The following MUCL1 variants were observed in gnomAD, a reference collection of about 807,000 sequenced individuals.
MUCL1 encodes the protein mucin like 1.
A neutral mutation model predicts 9.2 loss-of-function variants in MUCL1; 11 were observed. The ratio of observed to expected loss-of-function variants is 1.19; its 90% CI spans 0.75 to 1.97. MUCL1 has a LOEUF of 1.97. Ranked by LOEUF, MUCL1 falls within the 30% of genes most tolerant of loss-of-function variation. The pLI, the probability that MUCL1 is intolerant of heterozygous loss-of-function variation, is 0.00. For missense variants in MUCL1, 144 were observed against 110.9 expected, an observed-to-expected ratio of 1.30 and a Z score of -1.34; for synonymous variants, 48 against 40.5, an observed-to-expected ratio of 1.19 and a Z score of -0.71.
At chr12:54,832,914 AT>A in intron 1 of MUCL1, among the ~76,000 whole-genome samples, 1 of 152,106 alleles carries the variant, frequency 6.6e-6, no homozygotes, top group Non-Finnish European at 1.5e-5. Context: ...ATCAGCTATA[AT>A]TTGAGTTATT....
intron 1 of MUCL1, among the ~76,000 whole-genome samples, chr12:54,844,534 A>G (rs1259432649): frequency 6.6e-6 from 1 of 152,194 alleles, no homozygotes; most frequent in Non-Finnish European, 1.5e-5. Flanking sequence ...TGTGATGTGC[A>G]CCTAAAAGAG....
rs145238923 is a variant in MUCL1 at position 54,847,203 on chromosome 12, G to A, written c.43+7756G>A. On this transcript the variant is annotated intron_variant, in intron 1 of 3. Coordinates refer to the MUCL1 transcript ENST00000546809. ...CTAGTTAACTCTCATGTATCAAGAA[G>A]TAACCGAGTGCCGGGCACTCTTCTA... Among the ~76,000 whole-genome samples, 165 of 152,280 alleles carry A rather than the reference G, an allele frequency of 1.1e-3. 1 individual carries two copies. Among genetic ancestry groups the A allele is most frequent in the Non-Finnish European group, 1.8e-3 (125 of 68,036 alleles).
chr12:54,835,695 A>G (rs979823157), upstream of MUCL1, among the ~76,000 whole-genome samples: 2 of 150,740 alleles, frequency 1.3e-5, no homozygotes, highest in Non-Finnish European at 2.9e-5. Context: ...CCCGTTCAGT[A>G]TGATGCTGAC....
At chr12:54,837,797 A>G (rs1490473360), upstream of MUCL1, among the ~76,000 whole-genome samples, 1 of 152,008 alleles carries the variant, frequency 6.6e-6, no homozygotes, top group Non-Finnish European at 1.5e-5. Context: ...AACAAAAAAA[A>G]TCAATGCTTA....
chr12:54,854,641 G>T lies in MUCL1; in HGVS notation c.58+1G>T, dbSNP rs142903254. 2.1e-3 allele frequency: 3,320 copies of T among 1,611,872 alleles called. 100 individuals are homozygous for T. The South Asian group carries it at 0.034, about 16-fold the overall frequency. Reference sequence around the variant, plus strand: ...GTTTCCATCTTTCTGGTCTCTGCCCGTAAGTAAAGATTCTTACCTGAACAT... The same window carrying T: ...GTTTCCATCTTTCTGGTCTCTGCCCTTAAGTAAAGATTCTTACCTGAACAT... On this transcript the variant is annotated splice_donor_variant, in intron 1 of 3. Transcript: ENST00000308796. LOFTEE classifies it high-confidence loss of function.
chr12:54,854,255 A>T (rs1868280594), upstream of MUCL1, among the ~76,000 whole-genome samples: 1 of 152,222 alleles, frequency 6.6e-6, no homozygotes, highest in South Asian at 2.1e-4. Flanking sequence ...TTATGGAGAC[A>T]CTATACCCTA....
At chr12:54,855,001 C>T in intron 1 of MUCL1, 115 bp from the exon 2 acceptor site, 1 of 857,566 alleles carries the variant, frequency 1.2e-6, no homozygotes, top group Non-Finnish European at 1.9e-6. Context: ...ACTGGTACAC[C>T]AAGGACTGAG....
At chr12:54,855,333 T>A in intron 2 of MUCL1, 176 bp downstream of exon 2, 1 of 607,058 alleles carries the variant, frequency 1.6e-6, no homozygotes, top group Non-Finnish European at 3.0e-6. Context: ...TGAATCTGCT[T>A]ATTTCTTATA....
At chr12:54,831,084 A>G (rs780965447) in intron 1 of MUCL1, among the ~76,000 whole-genome samples, 1 of 152,234 alleles carries the variant, frequency 6.6e-6, no homozygotes, top group East Asian at 1.9e-4. Context: ...TATATAAACC[A>G]GAGAGTTTTG....
At chr12:54,848,495 G>A (rs1019061674) in intron 1 of MUCL1, among the ~76,000 whole-genome samples, 13 of 152,186 alleles carry the variant, frequency 8.5e-5, no homozygotes, top group East Asian at 1.9e-4. Flanking sequence ...AGCTCTAATC[G>A]TATATTGTGA....
chr12:54,845,415 A>G (rs1959240467), intron 1 of MUCL1, among the ~76,000 whole-genome samples: 1 of 152,136 alleles, frequency 6.6e-6, no homozygotes, highest in African/African-American at 2.4e-5. Flanking sequence ...ACAATGAGAG[A>G]GATAGGAAAA....
chr12:54,847,203 G>T (rs145238923), intron 1 of MUCL1, among the ~76,000 whole-genome samples: 2 of 152,280 alleles, frequency 1.3e-5, no homozygotes, highest in South Asian at 4.1e-4. Context: ...GTATCAAGAA[G>T]TAACCGAGTG....
chr12:54,847,215 C>A (rs137960749), intron 1 of MUCL1, among the ~76,000 whole-genome samples: 1 of 152,148 alleles, frequency 6.6e-6, no homozygotes, highest in Admixed American at 6.5e-5. Flanking sequence ...AACCGAGTGC[C>A]GGGCACTCTT....
At chr12:54,856,457 G>A (rs539825087) in intron 2 of MUCL1, among the ~76,000 whole-genome samples, 1 of 152,202 alleles carries the variant, frequency 6.6e-6, no homozygotes, top group African/African-American at 2.4e-5. Context: ...CTTCTGAGCA[G>A]TAGTCCCTGT....
rs1276895864 is a variant in MUCL1, at chr12:54,840,784, C to T, written c.43+1337C>T. Among the ~76,000 whole-genome samples the T allele has an allele frequency of 2.0e-5, 3 of 152,292 alleles. No homozygotes were observed. The East Asian group carries it at 5.8e-4, about 29-fold the overall frequency. On this transcript the variant is annotated intron_variant, in intron 1 of 3. Coordinates refer to the MUCL1 transcript ENST00000546809. ...AGCTGCCTCTGCCACACAAAAGAAT[C>T]CACATGGGGAGTGGGGAGTAGCAGG... is the stretch of plus-strand genomic sequence containing the variant.
chr12:54,848,834 C>G (rs1184500957), intron 1 of MUCL1, among the ~76,000 whole-genome samples: 1 of 152,112 alleles, frequency 6.6e-6, no homozygotes, highest in Admixed American at 6.5e-5. Flanking sequence ...ATTTTTAGAA[C>G]TCTTTGAGAA....
At chr12:54,853,457 A>G (rs1455261505), upstream of MUCL1, among the ~76,000 whole-genome samples, 1 of 152,166 alleles carries the variant, frequency 6.6e-6, no homozygotes, top group Non-Finnish European at 1.5e-5. Flanking sequence ...AGTCTGGATG[A>G]CCATATTCTA....
chr12:54,848,123 G>A (rs1235307274), intron 1 of MUCL1, among the ~76,000 whole-genome samples: 2 of 148,948 alleles, frequency 1.3e-5, no homozygotes, highest in African/African-American at 5.0e-5. Flanking sequence ...GTGTGCCCTT[G>A]ATGATCCCAG....
chr12:54,856,793 C>T lies in MUCL1; in HGVS notation c.124C>T (p.Pro42Ser), dbSNP rs147966123. 5.6e-6 allele frequency: 9 copies of T among 1,613,218 alleles called. No individual in the cohort carries two copies. The highest frequency in any genetic ancestry group is 2.2e-5 in the East Asian group (1 of 44,736). ...AGCTGGTCCTGCTGATGATGAAGCC[C>T]CTGATGCTGAAACCACTGCTGCTGC... ...PATGPADDEA[P>S]DAETTAAATT... The change falls in exon 3 of 4, where the codon CCT becomes TCT. Residue 42 changes from proline (P) to serine (S), a missense_variant. Pro to Ser is a moderately conservative substitution (Grantham distance 74). Transcript: ENST00000308796.
Sources: allele counts gnomAD v4.1 joint callset (sites outside exome capture counted in the v4.1 genomes callset), GRCh38; gene constraint gnomAD v4.1.1; transcripts MANE v1.5; gene names NCBI Gene and HGNC (gene_info 2026-07-23, HGNC 2026-07-21).